MYPN: variants seen among roughly 807,000 people sequenced by gnomAD.
The protein encoded by MYPN is sarcomeric protein myopalladin, 145 kDa (MYOP).
Under a neutral mutation model 129.4 loss-of-function variants are expected in MYPN, and 63 were observed. That is an observed-to-expected ratio of 0.49 (90% confidence interval 0.40 to 0.60). The LOEUF (loss-of-function observed/expected upper bound fraction) is 0.60. Among genes scored for constraint, MYPN ranks in the 20% least tolerant of loss-of-function variants. MYPN has a pLI of 0.00. For missense variants in MYPN, 1,596 were observed against 1,635.4 expected, an observed-to-expected ratio of 0.98 and a Z score of 0.42; for synonymous variants, 629 against 600.9, an observed-to-expected ratio of 1.05 and a Z score of -0.68.
At chr10:68,198,517 G>T (rs1022728434) in intron 16 of MYPN, among the ~76,000 whole-genome samples, 5 of 151,982 alleles carry the variant, frequency 3.3e-5, no homozygotes, top group Middle Eastern at 3.4e-3. Flanking sequence ...ATTCATAAAG[G>T]GTCCACTTCT....
chr10:68,126,869 T>G (rs781651490), intron 2 of MYPN, among the ~76,000 whole-genome samples: 37 of 152,120 alleles, frequency 2.4e-4, no homozygotes, highest in Admixed American at 6.6e-5. Context: ...ACTAGAAACA[T>G]TCCAAGGAAT....
chr10:68,089,508 ATTTTG>A, intron 1 of MYPN, among the ~76,000 whole-genome samples: 1 of 151,532 alleles, frequency 6.6e-6, no homozygotes, highest in Non-Finnish European at 1.5e-5. Context: ...TGCCCGGCTA[ATTTTG>A]TTTTTGTATT....
intron 12 of MYPN, among the ~76,000 whole-genome samples, chr10:68,186,653 C>A (rs2043426094): frequency 6.6e-6 from 1 of 152,152 alleles, no homozygotes; most frequent in Non-Finnish European, 1.5e-5. Context: ...CTATTTGATT[C>A]ATGTATTCAC....
At chr10:68,137,796 G>T (rs140933116) in intron 2 of MYPN, among the ~76,000 whole-genome samples, 227 of 151,958 alleles carry the variant, frequency 1.5e-3, no homozygotes, top group African/African-American at 4.6e-3. Flanking sequence ...ACTTCCTTCA[G>T]TTTTGAGAAA....
chr10:68,163,786 T>G (rs1207213009), intron 8 of MYPN, among the ~76,000 whole-genome samples: 1 of 152,184 alleles, frequency 6.6e-6, no homozygotes, highest in Non-Finnish European at 1.5e-5. Context: ...TACGTGACTT[T>G]TAGTGACAAA....
chr10:68,188,807 C>CT (rs2043462076), intron 12 of MYPN, 98 bp from the exon 13 acceptor site: 10 of 977,548 alleles, frequency 1.0e-5, no homozygotes, highest in Non-Finnish European at 1.6e-5. Context: ...TGGTATAAAT[C>CT]TAACGTCTGA....
intron 12 of MYPN, among the ~76,000 whole-genome samples, chr10:68,176,770 A>G (rs1231440034): frequency 1.3e-5 from 2 of 152,222 alleles, no homozygotes; most frequent in Non-Finnish European, 2.9e-5. Flanking sequence ...TCTTCTAGAC[A>G]GAGAAACTAA....
chr10:68,129,324 C>T (rs545247221), intron 2 of MYPN, among the ~76,000 whole-genome samples: 2 of 152,122 alleles, frequency 1.3e-5, no homozygotes, highest in Non-Finnish European at 2.9e-5. Context: ...ATATTAGTAA[C>T]TTTTACATGT....
At position 68,157,859 on chromosome 10, in the gene MYPN, C is replaced by CA. The variant is rs1554844008; in HGVS notation, c.1318-618dup. Reference sequence around the variant, plus strand: ...CCTGTCTCAGAAAAAAACAAACAAACAAAAAAAAACACCCCCGACCAATAA... The same window carrying CA: ...CCTGTCTCAGAAAAAAACAAACAAACAAAAAAAAAACACCCCCGACCAATAA... On this transcript the variant is annotated intron_variant, in intron 6 of 19. Transcript: ENST00000358913. Among the ~76,000 whole-genome samples, 607 of 144,600 alleles carry CA rather than the reference C, an allele frequency of 4.2e-3. 8 individuals are homozygous for CA. Among genetic ancestry groups the CA allele is most frequent in the African/African-American group, 0.014 (566 of 39,092 alleles). 94.9% of individuals were successfully genotyped at this position (144,600 alleles called of 152,430 possible). A position where few individuals can be genotyped will look rare whatever the true frequency, so the allele number is the denominator to read the frequency against.
rs752439535 is a variant in MYPN, at chr10:68,121,566, A to T, written c.128A>T (p.His43Leu). 6.2e-7 allele frequency: 1 copy of T among 1,614,186 alleles called. No individual in the cohort carries two copies. Among genetic ancestry groups the T allele is most frequent in the Admixed American group, 1.7e-5 (1 of 60,012 alleles). Residue 43 changes from histidine to leucine, a missense_variant, in exon 2 of 20, where the codon CAT becomes CTT. By Grantham distance (99) the His-to-Leu change is moderately conservative (BLOSUM62 -3). Transcript: ENST00000358913. ...GCGGAGCCCTCCTCCAACCCTTGCC[A>T]TTTCGGCAGTCCTTCTGGGGCCGCT... ...SRAEPSSNPC[H>L]FGSPSGAAEG...
At chr10:68,149,703 A>G (rs2042733343) in intron 5 of MYPN, among the ~76,000 whole-genome samples, 1 of 152,216 alleles carries the variant, frequency 6.6e-6, no homozygotes, top group African/African-American at 2.4e-5. Flanking sequence ...GTCAAGTTTT[A>G]GTTCTAATCC....
At chr10:68,132,438 A>T (rs1445037578) in intron 2 of MYPN, among the ~76,000 whole-genome samples, 1 of 152,192 alleles carries the variant, frequency 6.6e-6, no homozygotes, top group Non-Finnish European at 1.5e-5. Flanking sequence ...AATTGGCCTC[A>T]ATTTTCTTTC....
chr10:68,123,702 T>C (rs1279972266), intron 2 of MYPN, among the ~76,000 whole-genome samples: 2 of 150,086 alleles, frequency 1.3e-5, no homozygotes, highest in Non-Finnish European at 3.0e-5. Context: ...AATAAATAAA[T>C]AAATAAATAA....
intron 19 of MYPN, among the ~76,000 whole-genome samples, chr10:68,209,671 C>CTTTTTTTTTTTTTTTTTTTTTTTTTTTTT (rs35392300): frequency 9.1e-5 from 12 of 131,230 alleles, no homozygotes; most frequent in East Asian, 4.6e-4. Flanking sequence ...GAATTCTTTT[C>CTTTTTTTTTTTTTTTTTTTTTTTTTTTTT]TTTTTTTTTT....
At chr10:68,143,241 G>T (rs2634712) in intron 3 of MYPN, 126 bp downstream of exon 3, 21 of 849,110 alleles carry the variant, frequency 2.5e-5, no homozygotes, top group African/African-American at 1.5e-4. Flanking sequence ...GCAGTGAACC[G>T]AGTAGAACAA....
chr10:68,109,859 C>A, intron 1 of MYPN, 136 bp downstream of exon 1: 1 of 348,392 alleles, frequency 2.9e-6, no homozygotes, highest in Non-Finnish European at 5.6e-6. Flanking sequence ...TATGACGGGA[C>A]ACGAAATTAA....
At chr10:68,140,508 T>G (rs1472758008) in intron 2 of MYPN, among the ~76,000 whole-genome samples, 1 of 148,266 alleles carries the variant, frequency 6.7e-6, no homozygotes, top group South Asian at 2.1e-4. Flanking sequence ...TAGTATAGGT[T>G]TTTTTTTTTT....
chr10:68,099,300 A>G (rs909977577), intron 1 of MYPN, among the ~76,000 whole-genome samples: 1 of 152,132 alleles, frequency 6.6e-6, no homozygotes, highest in Non-Finnish European at 1.5e-5. Context: ...TAACTTTCCT[A>G]TATACAAAAT....
intron 12 of MYPN, among the ~76,000 whole-genome samples, chr10:68,178,110 C>T (rs2043256625): frequency 6.6e-6 from 1 of 152,186 alleles, no homozygotes; most frequent in Non-Finnish European, 1.5e-5. Flanking sequence ...ATAGTTCAGT[C>T]TTTGCCTTTT....
Sources: allele counts gnomAD v4.1 joint callset (sites outside exome capture counted in the v4.1 genomes callset), GRCh38; gene constraint gnomAD v4.1.1; transcripts MANE v1.5; gene names NCBI Gene and HGNC (gene_info 2026-07-23, HGNC 2026-07-21).